Variants in CALN1 observed in about 807,000 individuals in gnomAD.
CALN1 encodes calneuron 1.
CALN1 carries 17 observed loss-of-function variants against 30.6 expected under a neutral mutation model. That is an observed-to-expected ratio of 0.56 (90% CI 0.38 to 0.83). The LOEUF (loss-of-function observed/expected upper bound fraction) is 0.83. CALN1 is among the 40% of genes least tolerant of loss of function. The probability of loss-of-function intolerance (pLI) is 0.00; values close to 1 mark genes in which losing one functional copy is unlikely to be tolerated. For missense variants in CALN1, 291 were observed against 354.9 expected (o/e 0.82, Z 1.45); for synonymous variants, 156 against 131.4 (o/e 1.19, Z -1.28).
intron 3 of CALN1, among the ~76,000 whole-genome samples, chr7:72,276,821 A>G (rs2129553911): frequency 6.6e-6 from 1 of 152,294 alleles, no homozygotes; most frequent in South Asian, 2.1e-4. Flanking sequence ...TCTTTTCTAT[A>G]TCAATTACCC....
chr7:72,057,900 C>T (rs965958600), intron 4 of CALN1, among the ~76,000 whole-genome samples: 1 of 152,124 alleles, frequency 6.6e-6, no homozygotes, highest in African/African-American at 2.4e-5. Flanking sequence ...TACATGAAAG[C>T]GTTCTTGAGG....
chr7:72,122,162 G>C (rs953935859), intron 3 of CALN1, among the ~76,000 whole-genome samples: 2 of 152,048 alleles, frequency 1.3e-5, no homozygotes, highest in Non-Finnish European at 2.9e-5. Context: ...GGCAAACTGA[G>C]TGGAATGTAT....
intron 2 of CALN1, among the ~76,000 whole-genome samples, chr7:72,328,661 A>T (rs73131419): frequency 3.8e-3 from 580 of 152,318 alleles, no homozygotes; most frequent in Non-Finnish European, 4.7e-3. Context: ...GTCTCCCAAC[A>T]TTCTATTCAA....
chr7:72,326,145 C>T (rs919256709), intron 2 of CALN1, among the ~76,000 whole-genome samples: 11 of 152,184 alleles, frequency 7.2e-5, no homozygotes, highest in Non-Finnish European at 1.6e-4. Flanking sequence ...TCCCGAGGTC[C>T]GCCTGCCTGG....
intron 5 of CALN1, among the ~76,000 whole-genome samples, chr7:71,923,736 A>G (rs1023909911): frequency 6.6e-6 from 1 of 152,140 alleles, no homozygotes; most frequent in Non-Finnish European, 1.5e-5. Flanking sequence ...GGATGCTCAT[A>G]TCCTTCCTGG....
At chr7:72,108,778 A>T (rs1304672489) in intron 3 of CALN1, among the ~76,000 whole-genome samples, 3 of 87,962 alleles carry the variant, frequency 3.4e-5, no homozygotes, top group Non-Finnish European at 6.5e-5. Flanking sequence ...CCAAGTCCCT[A>T]TTAAATGTTT....
chr7:72,444,668 C>G (rs1032485728), intron 1 of CALN1, among the ~76,000 whole-genome samples: 2 of 152,178 alleles, frequency 1.3e-5, no homozygotes, highest in Non-Finnish European at 2.9e-5. Flanking sequence ...CAGTCCAATC[C>G]TTTGTGTTAA....
intron 5 of CALN1, among the ~76,000 whole-genome samples, chr7:71,873,620 C>CA (rs11376224): frequency 0.25 from 37,411 of 151,740 alleles, 4,955 homozygotes; most frequent in African/African-American, 0.32. Flanking sequence ...AAAGTAAAAA[C>CA]AAAAAAAATC....
chr7:72,478,304 A>T, the CALN1 span, among the ~76,000 whole-genome samples: 1 of 147,778 alleles, frequency 6.8e-6, no homozygotes, highest in Non-Finnish European at 1.5e-5. Context: ...AAATAGTTAT[A>T]TTTTATGCAA....
At chr7:72,094,005 A>C (rs1806048534) in intron 4 of CALN1, among the ~76,000 whole-genome samples, 1 of 152,164 alleles carries the variant, frequency 6.6e-6, no homozygotes, top group Non-Finnish European at 1.5e-5. Context: ...AAGGCCTGTA[A>C]TAAACACAAC....
Position 72,284,883 on chromosome 7 carries a change from A to G in CALN1, c.120-6073T>C, listed in dbSNP as rs80179319. Among the ~76,000 whole-genome samples the G allele has an allele frequency of 6.1e-3, 900 of 148,742 alleles. 17 individuals are homozygous for G. The highest frequency in any genetic ancestry group is 7.2e-3 in the Non-Finnish European group (486 of 67,940). ...GATGGATGGATAGGTAGGTAGGTAGATAGATAGATAGATTCTGTTTCTTTG... is the reference window on the plus strand; with the variant it reads ...GATGGATGGATAGGTAGGTAGGTAGGTAGATAGATAGATTCTGTTTCTTTG... On this transcript the variant is annotated intron_variant, in intron 2 of 6. Transcript: ENST00000395275.
At chr7:72,193,806 G>A (rs921641532) in intron 3 of CALN1, among the ~76,000 whole-genome samples, 3 of 152,174 alleles carry the variant, frequency 2.0e-5, no homozygotes, top group Non-Finnish European at 2.9e-5. Flanking sequence ...AGTGGCATTC[G>A]CAGCAACCTG....
At chr7:71,947,135 C>T (rs771329004) in intron 5 of CALN1, among the ~76,000 whole-genome samples, 9 of 151,982 alleles carry the variant, frequency 5.9e-5, no homozygotes, top group Admixed American at 2.6e-4. Context: ...CACAGCCTCC[C>T]GAGTAGCTAG....
chr7:71,944,609 A>G lies in CALN1; in HGVS notation c.501+79048T>C, dbSNP rs181531079. Among the ~76,000 whole-genome samples the G allele has an allele frequency of 2.6e-5, 4 of 151,484 alleles. No individual in the cohort carries two copies. In the East Asian group the frequency reaches 7.7e-4, roughly 29 times the overall value. ...AACTCCATCCCAAAAAAAAAAAAAA[A>G]AAAAAAAAGAAAGAAAACATTTCTG... is the stretch of plus-strand genomic sequence containing the variant. On this transcript the variant is annotated intron_variant, in intron 5 of 6. Coordinates refer to ENST00000395275, the MANE Select transcript of CALN1 (RefSeq NM_031468.4).
intron 5 of CALN1, among the ~76,000 whole-genome samples, chr7:71,844,157 G>A (rs570904356): frequency 6.6e-6 from 1 of 152,254 alleles, no homozygotes. Flanking sequence ...GATTGTCATA[G>A]GGTGGCAAAG....
chr7:71,823,931 C>T (rs915949438), intron 5 of CALN1, among the ~76,000 whole-genome samples: 31 of 152,016 alleles, frequency 2.0e-4, no homozygotes, highest in Admixed American at 4.6e-4. Context: ...TCCATCAGAT[C>T]GCGTGAGACT....
chr7:72,336,361 G>T (rs1802036706), intron 2 of CALN1, among the ~76,000 whole-genome samples: 1 of 152,114 alleles, frequency 6.6e-6, no homozygotes, highest in Non-Finnish European at 1.5e-5. Flanking sequence ...GGCCACTGGC[G>T]CCTGGGGGCT....
At chr7:71,842,121 G>A (rs992754319) in intron 5 of CALN1, among the ~76,000 whole-genome samples, 4 of 152,176 alleles carry the variant, frequency 2.6e-5, no homozygotes, top group East Asian at 3.8e-4. Flanking sequence ...AGGGAGGCTG[G>A]AGATAGCTAG....
chr7:72,063,120 T>A (rs572953571), intron 4 of CALN1, among the ~76,000 whole-genome samples: 1 of 152,138 alleles, frequency 6.6e-6, no homozygotes. Context: ...CAAAACCTGA[T>A]CAAAAAAAAG....
Sources: gnomAD v4.1 joint callset for allele counts (sites outside exome capture counted in the v4.1 genomes callset) on GRCh38, gnomAD v4.1.1 for gene constraint, MANE v1.5 for transcripts, NCBI Gene and HGNC (gene_info 2026-07-23, HGNC 2026-07-21) for gene names.